EPS8: variants seen among roughly 807,000 people sequenced by gnomAD.
EPS8 encodes the protein epidermal growth factor receptor kinase substrate 8.
A neutral mutation model predicts 103.8 loss-of-function variants in EPS8; 42 were observed. That is an observed-to-expected ratio of 0.40 (90% confidence interval 0.32 to 0.52). EPS8 has a LOEUF of 0.52. Among genes scored for constraint, EPS8 ranks in the 20% least tolerant of loss-of-function variants. The pLI is 0.40. For missense variants in EPS8, 969 were observed against 1,005.1 expected (o/e 0.96, Z 0.49); for synonymous variants, 344 against 344.6 (o/e 1.00, Z 0.02).
At chr12:15,710,778 T>C (rs1946452038) in intron 1 of EPS8, among the ~76,000 whole-genome samples, 1 of 152,218 alleles carries the variant, frequency 6.6e-6, no homozygotes, top group African/African-American at 2.4e-5. Context: ...AGAAATATCC[T>C]ATAAATAAAT....
At chr12:15,743,207 G>T (rs1946842840) in intron 1 of EPS8, among the ~76,000 whole-genome samples, 1 of 152,150 alleles carries the variant, frequency 6.6e-6, no homozygotes, top group Admixed American at 6.5e-5. Context: ...ATTTACAAGG[G>T]ATGTGAAGGA....
At chr12:15,740,564 AAAATAAATAAATAAATAAAT>A (rs60477147) in intron 1 of EPS8, among the ~76,000 whole-genome samples, 4 of 149,404 alleles carry the variant, frequency 2.7e-5, no homozygotes, top group African/African-American at 9.8e-5. Flanking sequence ...AAAAATAATA[AAAATAAATAAATAAATAAAT>A]AAATAAATAA....
Position 15,624,415 on chromosome 12 carries a change from C to A in EPS8, c.2045-8G>T. 6.5e-7 allele frequency: 1 copy of A among 1,544,518 alleles called. No individual in the cohort carries two copies. The highest frequency in any genetic ancestry group is 8.7e-7 in the Non-Finnish European group (1 of 1,143,402). On this transcript the variant is annotated splice_region_variant and splice_polypyrimidine_tract_variant and intron_variant, in intron 18 of 20. Transcript: ENST00000281172. ...CCATCTGAGATTTCCTTCCTAGACA[C>A]CAACAGGGAGTAGGTTCTTTTTGAA... is the stretch of plus-strand genomic sequence containing the variant.
At chr12:15,639,808 A>C (rs1021362493) in intron 17 of EPS8, among the ~76,000 whole-genome samples, 9 of 152,196 alleles carry the variant, frequency 5.9e-5, no homozygotes, top group Non-Finnish European at 1.2e-4. Flanking sequence ...ATTTCACTGC[A>C]TATTCTACGC....
chr12:15,642,110 A>G (rs1286664406), intron 15 of EPS8, among the ~76,000 whole-genome samples: 1 of 152,126 alleles, frequency 6.6e-6, no homozygotes, highest in Non-Finnish European at 1.5e-5. Context: ...TTCTTTGTCT[A>G]CTAAATACAC....
chr12:15,653,415 TG>T (rs1945449816), intron 13 of EPS8, among the ~76,000 whole-genome samples: 1 of 151,966 alleles, frequency 6.6e-6, no homozygotes, highest in African/African-American at 2.4e-5. Flanking sequence ...CATCTCTATA[TG>T]CTCATTTTAA....
At chr12:15,654,097 A>G in intron 13 of EPS8, 48 bp downstream of exon 13, 1 of 1,545,094 alleles carries the variant, frequency 6.5e-7, no homozygotes. Flanking sequence ...AGATCCATGT[A>G]ATTAACAAAG....
chr12:15,730,852 C>T (rs951394518), intron 1 of EPS8, among the ~76,000 whole-genome samples: 1 of 151,874 alleles, frequency 6.6e-6, no homozygotes, highest in South Asian at 2.1e-4. Flanking sequence ...TTCCTTCACT[C>T]CCCTCAGAAA....
intron 18 of EPS8, among the ~76,000 whole-genome samples, chr12:15,629,917 T>G (rs185924397): frequency 9.9e-5 from 15 of 152,264 alleles, no homozygotes; most frequent in African/African-American, 3.6e-4. Context: ...GAGTGAAAGA[T>G]TCAGCCATTT....
intron 1 of EPS8, among the ~76,000 whole-genome samples, chr12:15,755,134 CT>C (rs1185044434): frequency 3.3e-5 from 5 of 152,194 alleles, no homozygotes; most frequent in Middle Eastern, 3.4e-3. Context: ...GATGACATCA[CT>C]CATCTAGAGG....
chr12:15,779,164 G>C lies in EPS8; in HGVS notation c.-22+9997C>G, dbSNP rs1245407676. On this transcript the variant is annotated intron_variant, in intron 1 of 20. Transcript: ENST00000281172. The surrounding 1 kb of genome is among the most constrained non-coding windows in gnomAD (Gnocchi z 4.3). ...CGGCTAATTTTGTATTTTTAGTAGA[G>C]ACAGGGCGTCTCTATGTTTGTCAGG... Among the ~76,000 whole-genome samples, 1 of 152,070 alleles carries C rather than the reference G, an allele frequency of 6.6e-6. No homozygotes were observed. The highest frequency in any genetic ancestry group is 2.4e-5 in the African/African-American group (1 of 41,406).
chr12:15,741,164 T>C (rs766641244), intron 1 of EPS8, among the ~76,000 whole-genome samples: 1 of 152,228 alleles, frequency 6.6e-6, no homozygotes, highest in Non-Finnish European at 1.5e-5. Flanking sequence ...CAGGACCTTG[T>C]TCTGTGGTAA....
Position 15,754,710 on chromosome 12 carries a change from A to G in EPS8, c.-22+34451T>C, listed in dbSNP as rs148268131. Among the ~76,000 whole-genome samples, 414 of 152,342 alleles carry G rather than the reference A, an allele frequency of 2.7e-3. 4 individuals are homozygous for G. Among genetic ancestry groups the G allele is most frequent in the African/African-American group, 8.4e-3 (349 of 41,568 alleles). ...AATAGTCCACAAGATTTCACTAAAA[A>G]TGTGAATGAAATTTGTGAAAGAAAC... On this transcript the variant is annotated intron_variant, in intron 1 of 20. Coordinates refer to ENST00000281172, the MANE Select transcript of EPS8 (RefSeq NM_004447.6).
intron 1 of EPS8, among the ~76,000 whole-genome samples, chr12:15,692,274 T>C (rs926686550): frequency 1.3e-5 from 2 of 152,008 alleles, no homozygotes; most frequent in African/African-American, 4.8e-5. Flanking sequence ...TTACACATGA[T>C]GGACCGTTTG....
At chr12:15,703,314 A>G (rs1946336567) in intron 1 of EPS8, among the ~76,000 whole-genome samples, 1 of 152,206 alleles carries the variant, frequency 6.6e-6, no homozygotes, top group Admixed American at 6.5e-5. Context: ...ATACAAACAG[A>G]TAATTACAAT....
Position 15,658,542 on chromosome 12 carries a change from T to A in EPS8, c.981A>T (p.Glu327Asp). The A allele has an allele frequency of 1.9e-6, 3 of 1,613,454 alleles. No individual in the cohort carries two copies. The highest frequency in any genetic ancestry group is 2.5e-6 in the Non-Finnish European group (3 of 1,179,480). The change falls in exon 11 of 21, where the codon GAA becomes GAT. Residue 327 changes from glutamate (E) to aspartate (D), a missense_variant. By Grantham distance (45) the Glu-to-Asp change is conservative. Transcript: ENST00000281172. ...TAAACTTTTGGAAACAGTCAAGAAA[T>A]TCATCAGGAGGTGGAGGTTTTGCCC... ...TLRAKPPPPD[E>D]FLDCFQKFKH...
chr12:15,669,077 A>T (rs1945766259), intron 6 of EPS8, among the ~76,000 whole-genome samples: 1 of 152,166 alleles, frequency 6.6e-6, no homozygotes, highest in African/African-American at 2.4e-5. Flanking sequence ...CCTTTTTAGT[A>T]GAGACTGGGT....
chr12:15,645,541 G>C (rs1420236959), intron 15 of EPS8, among the ~76,000 whole-genome samples: 1 of 151,974 alleles, frequency 6.6e-6, no homozygotes, highest in African/African-American at 2.4e-5. Context: ...GGGGTACAAA[G>C]ATATAACTAA....
rs1461468552 is a variant in EPS8, at chr12:15,728,386, G to A, written c.-21-45414C>T. 1 of 152,136 alleles carries A rather than the reference G, an allele frequency of 6.6e-6. No homozygotes were observed. Among genetic ancestry groups the A allele is most frequent in the Non-Finnish European group, 1.5e-5 (1 of 68,018 alleles). 9.4% of individuals were successfully genotyped at this position (152,136 alleles called of 1,614,324 possible). A position where few individuals can be genotyped will look rare whatever the true frequency, so the allele number is the denominator to read the frequency against. ...TGCCATGCTAATAACAATCCAAGATGAAGCTTAAAGAAACTACAGCAGTGG... is the reference window on the plus strand; with the variant it reads ...TGCCATGCTAATAACAATCCAAGATAAAGCTTAAAGAAACTACAGCAGTGG... On this transcript the variant is annotated intron_variant, in intron 1 of 20. Coordinates refer to ENST00000281172, the MANE Select transcript of EPS8 (RefSeq NM_004447.6). The surrounding 1 kb of genome is among the most constrained non-coding windows in gnomAD (Gnocchi z 4.5).
Sources: gnomAD v4.1 joint callset for allele counts (sites outside exome capture counted in the v4.1 genomes callset) on GRCh38, gnomAD v4.1.1 for gene constraint, Gnocchi (gnomAD v3.1) non-coding constraint, MANE v1.5 for transcripts, NCBI Gene and HGNC (gene_info 2026-07-23, HGNC 2026-07-21) for gene names.